MTSS1: variants seen among roughly 807,000 people sequenced by gnomAD.
The protein encoded by MTSS1 is protein MTSS 1.
Under a neutral mutation model 79.0 loss-of-function variants are expected in MTSS1, and 18 were observed. The ratio of observed to expected loss-of-function variants is 0.23; its 90% confidence interval spans 0.16 to 0.34. MTSS1 has a LOEUF of 0.34. Among genes scored for constraint, MTSS1 ranks in the 10% least tolerant of loss-of-function variants. The probability of loss-of-function intolerance (pLI) is 1.00; values close to 1 mark genes in which losing one functional copy is unlikely to be tolerated. For missense variants in MTSS1, 815 were observed against 986.2 expected, an observed-to-expected ratio of 0.83 and a Z score of 2.33; for synonymous variants, 341 against 368.6, an observed-to-expected ratio of 0.93 and a Z score of 0.86.
intron 3 of MTSS1, among the ~76,000 whole-genome samples, chr8:124,626,569 C>T (rs1814708992): frequency 6.6e-6 from 1 of 151,844 alleles, no homozygotes; most frequent in South Asian, 2.1e-4. Context: ...GCAATCTTAT[C>T]CACTGGGCTG....
Position 124,553,539 on chromosome 8 carries a change from G to A in MTSS1, c.1721C>T (p.Pro574Leu), listed in dbSNP as rs1007036563. 3.1e-6 allele frequency: 5 copies of A among 1,614,174 alleles called. No individual in the cohort carries two copies. Among genetic ancestry groups the A allele is most frequent in the South Asian group, 1.1e-5 (1 of 91,086 alleles). ...GACCATAGCAGGTCCCAGGGTGGTG[G>A]GGAGGCCAGCAGTTGAGGCTGGACG... ...AKRPASTAGL[P>L]TTLGPAMVTP... Residue 574 changes from proline to leucine, a missense_variant, in exon 14 of 14, where the codon CCC becomes CTC. Physicochemically the swap from Pro to Leu is moderately conservative, Grantham distance 98. Around this residue, in one of 2 missense-constraint regions of MTSS1, gnomAD observed 590 missense variants for 620.8 expected, o/e 0.95. Transcript: ENST00000518547. This position sits in a 1 kb window ranked among gnomAD's most constrained non-coding sequence, Gnocchi z 6.0.
At chr8:124,625,359 T>A (rs1814457075) in intron 3 of MTSS1, among the ~76,000 whole-genome samples, 1 of 152,222 alleles carries the variant, frequency 6.6e-6, no homozygotes, top group Non-Finnish European at 1.5e-5. Flanking sequence ...CAAGGGTTTC[T>A]TGGCAAGCAG....
rs200915660 is a variant in MTSS1, at chr8:124,683,168, GA to G, written c.208+16357del. Among the ~76,000 whole-genome samples the G allele has an allele frequency of 0.01, 1,509 of 150,776 alleles. 25 individuals are homozygous for G. Among genetic ancestry groups the G allele is most frequent in the African/African-American group, 0.035 (1,456 of 41,124 alleles). ...CCATTTAAAGTAAGCAAAAAAAAAA[GA>G]AAAAAAGTTTCTTATACACAAATGT... On this transcript the variant is annotated intron_variant, in intron 3 of 13. Coordinates refer to ENST00000518547, the MANE Select transcript of MTSS1 (RefSeq NM_014751.6). The surrounding 1 kb of genome is among the most constrained non-coding windows in gnomAD (Gnocchi z 4.5).
At chr8:124,576,254 A>G (rs1828933197) in intron 6 of MTSS1, among the ~76,000 whole-genome samples, 1 of 152,178 alleles carries the variant, frequency 6.6e-6, no homozygotes, top group Non-Finnish European at 1.5e-5. Flanking sequence ...CCTTCTAGAG[A>G]ATTATTAAAC....
chr8:124,652,159 A>G (rs970281127), intron 3 of MTSS1, among the ~76,000 whole-genome samples: 1 of 152,206 alleles, frequency 6.6e-6, no homozygotes, highest in African/African-American at 2.4e-5. Context: ...CCAACTTCTT[A>G]GCCAGTAGAG....
At chr8:124,580,033 C>T (rs985570973) in intron 6 of MTSS1, 1 of 152,252 alleles carries the variant, frequency 6.6e-6, no homozygotes, top group Non-Finnish European at 1.5e-5. Flanking sequence ...ATAAGAAATA[C>T]TTTTGATTTA....
At chr8:124,588,465 C>T (rs1008923819) in intron 5 of MTSS1, among the ~76,000 whole-genome samples, 8 of 152,178 alleles carry the variant, frequency 5.3e-5, no homozygotes, top group African/African-American at 1.9e-4. Flanking sequence ...AACACAAACA[C>T]TCTCACTCGA....
At chr8:124,667,049 A>G (rs1823228994) in intron 3 of MTSS1, among the ~76,000 whole-genome samples, 1 of 152,166 alleles carries the variant, frequency 6.6e-6, no homozygotes, top group African/African-American at 2.4e-5. Context: ...AGAAAAGAAG[A>G]ACAGATCTAA....
intron 3 of MTSS1, among the ~76,000 whole-genome samples, chr8:124,686,371 AC>A (rs1431585377): frequency 6.6e-6 from 1 of 152,150 alleles, no homozygotes; most frequent in Non-Finnish European, 1.5e-5. Context: ...CTGGGAAATG[AC>A]CTTTTGGTAA....
In MTSS1 at chr8:124,727,508, A is replaced by G. The variant is rs891542; in HGVS notation, c.72+376T>C. ...CCAGGCGCCCCCACCCCGTGCCCGG[A>G]GGAATCAGGTGTCCTCCCGGGCATC... On this transcript the variant is annotated intron_variant, in intron 1 of 13. Coordinates refer to ENST00000518547, the MANE Select transcript of MTSS1 (RefSeq NM_014751.6). The surrounding 1 kb of genome is among the most constrained non-coding windows in gnomAD (Gnocchi z 4.7). 389,285 of 461,610 alleles carry G rather than the reference A, an allele frequency of 0.84. 165,335 individuals are homozygous for G. The highest frequency in any genetic ancestry group is 0.96 in the African/African-American group (48,344 of 50,386). The allele number at this position is 461,610 out of a possible 1,614,324, so 28.6% of individuals were successfully genotyped here.
intron 3 of MTSS1, among the ~76,000 whole-genome samples, chr8:124,601,808 C>T (rs1032095390): frequency 3.3e-5 from 5 of 152,228 alleles, no homozygotes; most frequent in Non-Finnish European, 5.9e-5. Context: ...CACGCACACA[C>T]GAGCGTCAGA....
intron 3 of MTSS1, among the ~76,000 whole-genome samples, chr8:124,637,687 G>T (rs1449384527): frequency 6.6e-6 from 1 of 152,226 alleles, no homozygotes; most frequent in African/African-American, 2.4e-5. Context: ...GAATTTATGT[G>T]TCACATTTGG....
At chr8:124,605,283 G>A (rs77477207) in intron 3 of MTSS1, among the ~76,000 whole-genome samples, 5,155 of 152,336 alleles carry the variant, frequency 0.034, 140 homozygotes, top group East Asian at 0.11. Context: ...CGAAGCAGCT[G>A]TGGCCTGATG....
intron 11 of MTSS1, among the ~76,000 whole-genome samples, chr8:124,556,730 A>T (rs1055866106): frequency 1.3e-5 from 2 of 152,260 alleles, no homozygotes; most frequent in Non-Finnish European, 2.9e-5. Flanking sequence ...TGGGCAGTAC[A>T]TCGTGCTTCT....
At chr8:124,689,965 G>A (rs777936054) in intron 3 of MTSS1, among the ~76,000 whole-genome samples, 7 of 152,064 alleles carry the variant, frequency 4.6e-5, no homozygotes, top group Non-Finnish European at 8.8e-5. Context: ...AGGAGAAGAG[G>A]GGAGAATTGT....
chr8:124,648,724 C>T (rs572297990), intron 3 of MTSS1, among the ~76,000 whole-genome samples: 2 of 148,282 alleles, frequency 1.3e-5, no homozygotes, highest in African/African-American at 5.1e-5. Context: ...CCCCCAGATA[C>T]TGACCAGACG....
rs1221215111 is a variant in MTSS1, at chr8:124,721,754, C to T, written c.72+6130G>A. Among the ~76,000 whole-genome samples the T allele has an allele frequency of 2.0e-5, 3 of 152,042 alleles. No individual in the cohort carries two copies. The East Asian group carries it at 5.8e-4, about 29-fold the overall frequency. Reference sequence around the variant, plus strand: ...AGTGATTCTCAGCCTTGGACATCACCAGAATTACCTGGGGTGCTTTTCAAA... The same window carrying T: ...AGTGATTCTCAGCCTTGGACATCACTAGAATTACCTGGGGTGCTTTTCAAA... On this transcript the variant is annotated intron_variant, in intron 1 of 13. Coordinates refer to ENST00000518547, the MANE Select transcript of MTSS1 (RefSeq NM_014751.6).
chr8:124,697,618 G>GA (rs1359156321), intron 3 of MTSS1, among the ~76,000 whole-genome samples: 1 of 151,700 alleles, frequency 6.6e-6, no homozygotes, highest in African/African-American at 2.4e-5. Context: ...GGCTATTACA[G>GA]AAAGATAAAA....
chr8:124,555,516 G>A (rs1348854036), intron 13 of MTSS1, among the ~76,000 whole-genome samples: 3 of 152,172 alleles, frequency 2.0e-5, no homozygotes, highest in Non-Finnish European at 4.4e-5. Context: ...AAAGTGCTGG[G>A]ATTACAGGCG....
Sources: gnomAD v4.1 joint callset for allele counts (sites outside exome capture counted in the v4.1 genomes callset) on GRCh38, gnomAD v4.1.1 for gene constraint, gnomAD v4.1.1 regional missense constraint, Gnocchi (gnomAD v3.1) non-coding constraint, MANE v1.5 for transcripts, NCBI Gene and HGNC (gene_info 2026-07-23, HGNC 2026-07-21) for gene names.